Variants in PRKN observed in about 807,000 individuals in gnomAD.
PRKN encodes the protein E3 ubiquitin-protein ligase parkin.
Under a neutral mutation model 59.5 loss-of-function variants are expected in PRKN, and 56 were observed. The observed-to-expected ratio is 0.94, with a 90% CI of 0.76 to 1.18. The LOEUF is 1.18. Among genes scored for constraint, PRKN ranks in the 50% most tolerant of loss-of-function variants. PRKN has a pLI of 0.00. For synonymous variants in PRKN, 250 were observed against 222.1 expected, an observed-to-expected ratio of 1.13 and a Z score of -1.12; for missense variants, 657 against 596.4, an observed-to-expected ratio of 1.10 and a Z score of -1.06.
At position 161,483,962 on chromosome 6, in the gene PRKN, T is replaced by C. The variant is rs1187961028; in HGVS notation, c.1083+64892A>G. 1.3e-5 allele frequency among the ~76,000 whole-genome samples: 2 copies of C among 151,918 alleles called. No homozygotes were observed. Among genetic ancestry groups the C allele is most frequent in the Non-Finnish European group, 2.9e-5 (2 of 67,984 alleles). ...AACACTGCCTGTTCTCACTTATAAG[T>C]GGGAGCTGAATGATGAGCACACATG... On this transcript the variant is annotated intron_variant, in intron 9 of 11. Coordinates refer to ENST00000366898, the MANE Select transcript of PRKN (RefSeq NM_004562.3). The surrounding 1 kb of genome is among the most constrained non-coding windows in gnomAD (Gnocchi z 5.0).
intron 10 of PRKN, chr6:161,370,057 A>G: frequency 2.4e-6 from 1 of 414,286 alleles, no homozygotes; most frequent in South Asian, 1.7e-5. Context: ...TCATCTCTAA[A>G]GAGATGGGAA....
intron 4 of PRKN, among the ~76,000 whole-genome samples, chr6:162,129,956 AG>A (rs1351499099): frequency 6.6e-6 from 1 of 152,232 alleles, no homozygotes; most frequent in Non-Finnish European, 1.5e-5. Flanking sequence ...AATTAAAGTA[AG>A]AAAAAAATGA....
At position 161,520,462 on chromosome 6, in the gene PRKN, A is replaced by G. The variant is rs141245919; in HGVS notation, c.1083+28392T>C. 6.0e-4 allele frequency among the ~76,000 whole-genome samples: 92 copies of G among 152,114 alleles called. No homozygotes were observed. In the Middle Eastern group the frequency reaches 0.014, roughly 22 times the overall value. Reference sequence around the variant, plus strand: ...AGGCTCATCTCAAACTCTTGACCTCAGGTGATCCACCCACCTCGGCCTTTC... The same window carrying G: ...AGGCTCATCTCAAACTCTTGACCTCGGGTGATCCACCCACCTCGGCCTTTC... On this transcript the variant is annotated intron_variant, in intron 9 of 11. Transcript: ENST00000366898.
chr6:162,463,954 C>T (rs1336904417), intron 1 of PRKN, among the ~76,000 whole-genome samples: 1 of 152,152 alleles, frequency 6.6e-6, no homozygotes, highest in African/African-American at 2.4e-5. Flanking sequence ...TTAATAAGCA[C>T]ATTTTAAAGA....
chr6:161,830,469 G>C (rs972554376), intron 6 of PRKN, among the ~76,000 whole-genome samples: 1 of 152,062 alleles, frequency 6.6e-6, no homozygotes, highest in African/African-American at 2.4e-5. Flanking sequence ...AGCCAGGATG[G>C]TCTCGATCTC....
In PRKN at chr6:161,360,341, A is replaced by T; in HGVS notation, c.1168-136T>A. The T allele has an allele frequency of 2.7e-6, 2 of 752,028 alleles. No homozygotes were observed. Among genetic ancestry groups the T allele is most frequent in the Non-Finnish European group, 4.8e-6 (2 of 415,472 alleles). The allele number at this position is 752,028 out of a possible 1,614,324, so 46.6% of individuals were successfully genotyped here. A position where few individuals can be genotyped will look rare whatever the true frequency, so the allele number is the denominator to read the frequency against. ...GGGCAAGAAGCCTAAATATCAATGC[A>T]CTTGACAAATGCTAGACAGCTACTA... is the stretch of plus-strand genomic sequence containing the variant. On this transcript the variant is annotated intron_variant, in intron 10 of 11. Transcript: ENST00000366898. The surrounding 1 kb of genome is among the most constrained non-coding windows in gnomAD (Gnocchi z 5.1).
intron 7 of PRKN, among the ~76,000 whole-genome samples, chr6:161,615,971 T>G (rs1782677805): frequency 1.3e-5 from 2 of 152,186 alleles, no homozygotes; most frequent in African/African-American, 4.8e-5. Context: ...TCCAATAGCC[T>G]GAATGGTAAC....
chr6:162,475,374 C>G (rs1474503295), intron 1 of PRKN, among the ~76,000 whole-genome samples: 2 of 152,048 alleles, frequency 1.3e-5, no homozygotes, highest in Non-Finnish European at 2.9e-5. Flanking sequence ...CCAAGTCCAG[C>G]CTAATAGTTC....
At chr6:161,602,932 A>T (rs1782158255) in intron 7 of PRKN, among the ~76,000 whole-genome samples, 1 of 152,242 alleles carries the variant, frequency 6.6e-6, no homozygotes, top group Admixed American at 6.5e-5. Flanking sequence ...AGGCAGACTG[A>T]TAATGGTACT....
At chr6:161,631,793 A>ACACACACACC (rs151114616) in intron 7 of PRKN, among the ~76,000 whole-genome samples, 1 of 147,186 alleles carries the variant, frequency 6.8e-6, no homozygotes, top group African/African-American at 2.5e-5. Context: ...ACACACACAC[A>ACACACACACC]CCCCACACAC....
chr6:161,615,893 T>C (rs778687352), intron 7 of PRKN, among the ~76,000 whole-genome samples: 5 of 152,176 alleles, frequency 3.3e-5, no homozygotes, highest in Non-Finnish European at 7.3e-5. Context: ...CCCGACCTTT[T>C]TGTTATGTGA....
chr6:162,133,728 G>C (rs1781462421), intron 4 of PRKN, among the ~76,000 whole-genome samples: 1 of 152,200 alleles, frequency 6.6e-6, no homozygotes, highest in African/African-American at 2.4e-5. Flanking sequence ...AGAGTCGTCA[G>C]GGCAGCCAAA....
intron 4 of PRKN, among the ~76,000 whole-genome samples, chr6:162,158,194 G>A (rs972796410): frequency 2.6e-5 from 4 of 151,948 alleles, no homozygotes; most frequent in African/African-American, 9.7e-5. Flanking sequence ...TTTGGGTGAT[G>A]GATGTGATCT....
chr6:162,452,906 T>C (rs1441437840), intron 1 of PRKN, among the ~76,000 whole-genome samples: 1 of 151,778 alleles, frequency 6.6e-6, no homozygotes, highest in Non-Finnish European at 1.5e-5. Flanking sequence ...ATACGCCAAG[T>C]AAAATGTAAT....
In PRKN at chr6:161,355,685, C is replaced by T. The variant is rs1229876150; in HGVS notation, c.1285+4403G>A. ...CCTCCCAAAGTGCTGGGATTACAGGCGTGAGTCACCACGCCCGGCCTACAA... is the reference window on the plus strand; with the variant it reads ...CCTCCCAAAGTGCTGGGATTACAGGTGTGAGTCACCACGCCCGGCCTACAA... On this transcript the variant is annotated intron_variant, in intron 11 of 11. Coordinates refer to ENST00000366898, the MANE Select transcript of PRKN (RefSeq NM_004562.3). This position sits in a 1 kb window ranked among gnomAD's most constrained non-coding sequence, Gnocchi z 6.8. 4.6e-5 allele frequency among the ~76,000 whole-genome samples: 7 copies of T among 152,120 alleles called. No individual in the cohort carries two copies. The highest frequency in any genetic ancestry group is 8.8e-5 in the Non-Finnish European group (6 of 67,896).
intron 10 of PRKN, among the ~76,000 whole-genome samples, chr6:161,364,911 A>G (rs1322139044): frequency 6.7e-6 from 1 of 149,788 alleles, no homozygotes; most frequent in Non-Finnish European, 1.5e-5. Flanking sequence ...AGCCTGGGCA[A>G]CGGAGTGAGA....
At chr6:161,715,395 G>C (rs1300215262) in intron 7 of PRKN, among the ~76,000 whole-genome samples, 1 of 151,710 alleles carries the variant, frequency 6.6e-6, no homozygotes, top group Non-Finnish European at 1.5e-5. Flanking sequence ...CTTGGTGGTG[G>C]GATTATGCGT....
chr6:161,625,144 C>T (rs368119111), intron 7 of PRKN, among the ~76,000 whole-genome samples: 37 of 152,072 alleles, frequency 2.4e-4, no homozygotes, highest in African/African-American at 7.7e-4. Flanking sequence ...TTCACAATAG[C>T]GAAGACTTGG....
chr6:162,427,649 T>G (rs1324383331), intron 2 of PRKN, among the ~76,000 whole-genome samples: 3 of 149,650 alleles, frequency 2.0e-5, no homozygotes, highest in African/African-American at 5.1e-5. Flanking sequence ...TAAATGTTTT[T>G]TTTTCTTTTT....
Sources: gnomAD v4.1 joint callset for allele counts (sites outside exome capture counted in the v4.1 genomes callset) on GRCh38, gnomAD v4.1.1 for gene constraint, Gnocchi (gnomAD v3.1) non-coding constraint, MANE v1.5 for transcripts, NCBI Gene and HGNC (gene_info 2026-07-23, HGNC 2026-07-21) for gene names.